The following OTOGL variants were observed in gnomAD, a reference collection of about 807,000 sequenced individuals.
OTOGL encodes the protein otogelin-like protein.
In OTOGL, 285 loss-of-function variants were observed where a neutral mutation model predicts 318.5. That is an observed-to-expected ratio of 0.89 (90% CI 0.81 to 0.99). The LOEUF (loss-of-function observed/expected upper bound fraction) is 0.99, where lower values mean the gene tolerates loss of function less well. OTOGL is among the 50% of genes least tolerant of loss of function. The probability of loss-of-function intolerance (pLI) is 0.00; values close to 1 mark genes in which losing one functional copy is unlikely to be tolerated. For synonymous variants in OTOGL, 987 were observed against 936.5 expected (o/e 1.05, Z -0.99); for missense variants, 2,899 against 2,845.6 (o/e 1.02, Z -0.43).
intron 1 of OTOGL, among the ~76,000 whole-genome samples, chr12:80,145,376 G>A (rs572099869): frequency 8.5e-5 from 13 of 152,098 alleles, no homozygotes; most frequent in East Asian, 5.8e-4. Context: ...GTAGATATGC[G>A]GCGTTATTTC....
At chr12:80,181,335 C>A (rs896893286) in intron 1 of OTOGL, among the ~76,000 whole-genome samples, 80 of 151,328 alleles carry the variant, frequency 5.3e-4, no homozygotes, top group African/African-American at 1.8e-3. Context: ...ATTTACTTCT[C>A]TCTCTCTCTC....
At chr12:80,224,835 C>T (rs1184411264) in intron 7 of OTOGL, among the ~76,000 whole-genome samples, 1 of 151,852 alleles carries the variant, frequency 6.6e-6, no homozygotes, top group Non-Finnish European at 1.5e-5. Flanking sequence ...AGAAGAAGCA[C>T]AACTGGGTGA....
intron 31 of OTOGL, among the ~76,000 whole-genome samples, chr12:80,314,052 T>C (rs1886820580): frequency 6.6e-6 from 1 of 152,144 alleles, no homozygotes; most frequent in South Asian, 2.1e-4. Context: ...CTGAACAAAC[T>C]TACAATTTGA....
At chr12:80,189,429 A>G (rs187844207) in intron 1 of OTOGL, 136 of 985,338 alleles carry the variant, frequency 1.4e-4, no homozygotes, top group Non-Finnish European at 1.6e-4. Context: ...GCAGCTGGGA[A>G]GTTTGTCAAG....
chr12:80,124,468 G>A (rs567970809), intron 1 of OTOGL, among the ~76,000 whole-genome samples: 1 of 152,298 alleles, frequency 6.6e-6, no homozygotes, highest in East Asian at 1.9e-4. Context: ...AAGTCAGGTA[G>A]CATGATGCCT....
In OTOGL at chr12:80,377,977, T is replaced by C; in HGVS notation, c.6991T>C (p.Cys2331Arg). 6.2e-7 allele frequency: 1 copy of C among 1,605,500 alleles called. No homozygotes were observed. Among genetic ancestry groups the C allele is most frequent in the African/African-American group, 1.3e-5 (1 of 74,974 alleles). ...ACGAAACTTGTCTGTGCCTCTGTAT[T>C]GCTCAGGAAATGGCACTGAAATTAT... is the stretch of plus-strand genomic sequence containing the variant. Reference protein sequence around the residue: ...GVRNLSVPLYCSGNGTEIMYT... With the variant: ...GVRNLSVPLYRSGNGTEIMYT... Residue 2331 changes from cysteine to arginine, a missense_variant, in exon 59 of 59, where the codon TGC (cysteine) becomes CGC (arginine). Physicochemically the swap from Cys to Arg is radical, Grantham distance 180. Coordinates refer to ENST00000547103, the MANE Select transcript of OTOGL (RefSeq NM_001378609.3).
At chr12:80,323,642 G>C in intron 34 of OTOGL, 81 bp from the exon 35 acceptor site, 1 of 1,086,932 alleles carries the variant, frequency 9.2e-7, no homozygotes, top group South Asian at 1.4e-5. Flanking sequence ...GAGCGAGACT[G>C]TCTCAAGAAA....
At chr12:80,280,936 T>A (rs929676067) in intron 26 of OTOGL, among the ~76,000 whole-genome samples, 9 of 147,936 alleles carry the variant, frequency 6.1e-5, no homozygotes, top group Admixed American at 5.5e-4. Flanking sequence ...TACCTAGGTA[T>A]TTTTTTTTTG....
chr12:80,163,226 A>C (rs949689401), intron 1 of OTOGL, among the ~76,000 whole-genome samples: 1 of 152,142 alleles, frequency 6.6e-6, no homozygotes, highest in African/African-American at 2.4e-5. Context: ...TGCCCAACAT[A>C]TTGTAAGTTT....
chr12:80,129,173 T>C (rs1181445306), intron 1 of OTOGL, among the ~76,000 whole-genome samples: 2 of 152,186 alleles, frequency 1.3e-5, no homozygotes, highest in East Asian at 3.9e-4. Context: ...TATTCGGCCA[T>C]CTTGGCTCCA....
intron 30 of OTOGL, 22 bp downstream of exon 30, chr12:80,310,749 C>A: frequency 1.3e-6 from 2 of 1,506,864 alleles, no homozygotes. Context: ...CTTTAATGAA[C>A]TCTCGAGTTT....
Position 80,380,823 on chromosome 12 carries a change from G to T in OTOGL, c.*2775G>T, listed in dbSNP as rs1239877478. On this transcript the variant is annotated 3_prime_UTR_variant, in exon 59 of 59. Coordinates refer to ENST00000547103, the MANE Select transcript of OTOGL (RefSeq NM_001378609.3). ...GTGGTATTTGTGAAGGTTATTAATT[G>T]CAGCATTGTTTGTAATAGAAAAAAA... 2 of 152,044 alleles carry T rather than the reference G, an allele frequency of 1.3e-5. No homozygotes were observed. The highest frequency in any genetic ancestry group is 2.4e-5 in the African/African-American group (1 of 41,414). 9.4% of individuals were successfully genotyped at this position (152,044 alleles called of 1,614,324 possible). A position where few individuals can be genotyped will look rare whatever the true frequency, so the allele number is the denominator to read the frequency against.
At position 80,378,050 on chromosome 12, in the gene OTOGL, C is replaced by A. The variant is rs1001915382; in HGVS notation, c.*2C>A. 1.9e-6 allele frequency: 3 copies of A among 1,558,188 alleles called. No individual in the cohort carries two copies. The highest frequency in any genetic ancestry group is 2.6e-6 in the Non-Finnish European group (3 of 1,146,742). On this transcript the variant is annotated 3_prime_UTR_variant, in exon 59 of 59. Coordinates refer to ENST00000547103, the MANE Select transcript of OTOGL (RefSeq NM_001378609.3). ...GACTGTACGTGCCAGTGGAATTAAA[C>A]CCTTGGGTTCCAAGAGCTCTATACA... is the stretch of plus-strand genomic sequence containing the variant.
chr12:80,160,354 T>C (rs1873423598), intron 1 of OTOGL, among the ~76,000 whole-genome samples: 1 of 152,050 alleles, frequency 6.6e-6, no homozygotes. Context: ...AACAAAGGAC[T>C]AATATCCAGA....
At chr12:80,126,566 C>A (rs1870853870) in intron 1 of OTOGL, among the ~76,000 whole-genome samples, 1 of 152,142 alleles carries the variant, frequency 6.6e-6, no homozygotes, top group African/African-American at 2.4e-5. Context: ...CCGCTTGGTG[C>A]AGAGCTGAGT....
intron 12 of OTOGL, 31 bp from the exon 13 acceptor site, chr12:80,252,045 T>C (rs367598288): frequency 2.7e-6 from 4 of 1,468,804 alleles, no homozygotes; most frequent in African/African-American, 1.4e-5. Flanking sequence ...CTAATAAAAT[T>C]GACTTAAGCT....
chr12:80,305,477 AAATAT>A, intron 28 of OTOGL, 94 bp from the exon 29 acceptor site: 1 of 1,054,166 alleles, frequency 9.5e-7, no homozygotes, highest in Non-Finnish European at 1.2e-6. Context: ...GAAAATGCTT[AAATAT>A]ATATTTGAAA....
rs1370177796 is a variant in OTOGL, at chr12:80,378,699, C to G, written c.*651C>G. ...ATCCTAGCTCTCTCTTATTCCAGTA[C>G]TATATCACTTTTAAAATCCTGAGCA... On this transcript the variant is annotated 3_prime_UTR_variant, in exon 59 of 59. Transcript: ENST00000547103. 3 of 152,004 alleles carry G rather than the reference C, an allele frequency of 2.0e-5. No homozygotes were observed. The highest frequency in any genetic ancestry group is 7.2e-5 in the African/African-American group (3 of 41,412). 9.4% of individuals were successfully genotyped at this position (152,004 alleles called of 1,614,324 possible).
intron 1 of OTOGL, among the ~76,000 whole-genome samples, chr12:80,193,050 G>C (rs1875807851): frequency 6.6e-6 from 1 of 151,860 alleles, no homozygotes; most frequent in Non-Finnish European, 1.5e-5. Context: ...GCAAGATTTG[G>C]AACATTGAAC....
Sources: allele counts gnomAD v4.1 joint callset (sites outside exome capture counted in the v4.1 genomes callset), GRCh38; gene constraint gnomAD v4.1.1; transcripts MANE v1.5; gene names NCBI Gene and HGNC (gene_info 2026-07-23, HGNC 2026-07-21).